The following MICAL2 variants were observed in gnomAD, a reference collection of about 807,000 sequenced individuals.
The protein encoded by MICAL2 is [F-actin]-monooxygenase MICAL2.
A neutral mutation model predicts 127.3 loss-of-function variants in MICAL2; 77 were observed. That is an observed-to-expected ratio of 0.60 (90% CI 0.50 to 0.73). MICAL2 has a LOEUF of 0.73. Among genes scored for constraint, MICAL2 ranks in the 30% least tolerant of loss-of-function variants. The pLI, the probability that MICAL2 is intolerant of heterozygous loss-of-function variation, is 0.00. For missense variants in MICAL2, 1,351 were observed against 1,434.4 expected, an observed-to-expected ratio of 0.94 and a Z score of 0.94; for synonymous variants, 570 against 551.1, an observed-to-expected ratio of 1.03 and a Z score of -0.48.
intron 2 of MICAL2, among the ~76,000 whole-genome samples, chr11:12,142,324 G>T (rs575608246): frequency 1.4e-4 from 21 of 152,196 alleles, no homozygotes; most frequent in Non-Finnish European, 2.2e-4. Context: ...TTGAGTTGCC[G>T]TTATTCTGTT....
At chr11:12,354,808 T>C in exon 34 of MICAL2, 1 of 1,614,022 alleles carries the variant, frequency 6.2e-7, no homozygotes, top group Non-Finnish European at 8.5e-7. Flanking sequence ...AATTAGAAGA[T>C]CATCAAAGCA....
chr11:12,284,633 G>A (rs1011710836), intron 2 of MICAL2, among the ~76,000 whole-genome samples: 1 of 151,896 alleles, frequency 6.6e-6, no homozygotes, highest in Admixed American at 6.6e-5. Context: ...TTTTAGAAAT[G>A]TCTTCATTAA....
chr11:12,256,851 C>T lies in MICAL2; in HGVS notation c.3022C>T (p.Arg1008Cys), dbSNP rs757917800. 6.2e-6 allele frequency: 10 copies of T among 1,614,076 alleles called. No individual in the cohort carries two copies. The highest frequency in any genetic ancestry group is 2.7e-5 in the African/African-American group (2 of 74,956). The change falls in exon 24 of 28, where the codon CGT becomes TGT. Residue 1008 changes from arginine to cysteine, a missense_variant. Around this residue, in one of 2 missense-constraint regions of MICAL2, gnomAD observed 752 missense variants for 719.4 expected, o/e 1.05. Coordinates refer to ENST00000683283, the MANE Select transcript of MICAL2 (RefSeq NM_001282663.2). ...CGACACGTGTTACTTCTGTAAGAAA[C>T]GTGTGTACGTGATGGAACGGCTGAG... The part of the protein sequence containing the change: ...GSDTCYFCKK[R>C]VYVMERLSAE...
intron 33 of MICAL2, among the ~76,000 whole-genome samples, chr11:12,350,837 A>T (rs549137625): frequency 6.6e-6 from 1 of 152,184 alleles, no homozygotes; most frequent in Non-Finnish European, 1.5e-5. Context: ...ACAGAAATTT[A>T]TTCTCTCACT....
chr11:12,188,925 A>G (rs1381464192), intron 3 of MICAL2, among the ~76,000 whole-genome samples: 1 of 152,228 alleles, frequency 6.6e-6, no homozygotes, highest in East Asian at 1.9e-4. Context: ...GGATTTCTAC[A>G]CATCTTTTAG....
intron 16 of MICAL2, among the ~76,000 whole-genome samples, chr11:12,237,033 C>T (rs181295809): frequency 3.3e-5 from 5 of 152,208 alleles, no homozygotes; most frequent in Admixed American, 6.5e-5. Context: ...TGTTTATGGT[C>T]GAAGAGTTTT....
intron 24 of MICAL2, among the ~76,000 whole-genome samples, chr11:12,270,120 G>C (rs1863657929): frequency 6.6e-6 from 1 of 152,204 alleles, no homozygotes; most frequent in African/African-American, 2.4e-5. Flanking sequence ...GAGCAATTGT[G>C]ACATACACTG....
chr11:12,164,104 C>T (rs1855182944), intron 3 of MICAL2, among the ~76,000 whole-genome samples: 1 of 151,980 alleles, frequency 6.6e-6, no homozygotes, highest in African/African-American at 2.4e-5. Context: ...ACCCTTCTTC[C>T]AAAACATACT....
chr11:12,216,203 A>G lies in MICAL2; in HGVS notation c.848-16A>G, dbSNP rs887488085. 1 of 1,586,094 alleles carries G rather than the reference A, an allele frequency of 6.3e-7. No individual in the cohort carries two copies. The highest frequency in any genetic ancestry group is 8.7e-7 in the Non-Finnish European group (1 of 1,154,542). ...CGAGGAAGTAACACTGAGCTTGTGA[A>G]TGCTTCTCTTTTCAGGCATAGATCT... On this transcript the variant is annotated splice_polypyrimidine_tract_variant and intron_variant, in intron 7 of 27. Coordinates refer to ENST00000683283, the MANE Select transcript of MICAL2 (RefSeq NM_001282663.2).
intron 1 of MICAL2, among the ~76,000 whole-genome samples, chr11:12,136,766 G>T (rs1453926631): frequency 3.3e-5 from 5 of 152,124 alleles, no homozygotes; most frequent in Non-Finnish European, 7.4e-5. Flanking sequence ...AGTGTGCCCA[G>T]GCCTCTGTGA....
chr11:12,353,413 T>A (rs948464611), intron 33 of MICAL2, among the ~76,000 whole-genome samples: 1 of 152,244 alleles, frequency 6.6e-6, no homozygotes, highest in Non-Finnish European at 1.5e-5. Flanking sequence ...GCTACCTTTT[T>A]TGTTTGGCTT....
intron 2 of MICAL2, among the ~76,000 whole-genome samples, chr11:12,144,425 T>C (rs1175110817): frequency 6.6e-6 from 1 of 152,150 alleles, no homozygotes; most frequent in Non-Finnish European, 1.5e-5. Context: ...AGTTTGGGGC[T>C]GGTGAGGGAC....
intron 32 of MICAL2, among the ~76,000 whole-genome samples, chr11:12,329,513 A>G (rs559619713): frequency 5.9e-5 from 9 of 152,324 alleles, no homozygotes; most frequent in African/African-American, 2.2e-4. Flanking sequence ...CAATAAGCCA[A>G]TAAGCCCTGT....
chr11:12,136,463 T>C (rs1334690388), intron 1 of MICAL2, among the ~76,000 whole-genome samples: 1 of 152,170 alleles, frequency 6.6e-6, no homozygotes, highest in Non-Finnish European at 1.5e-5. Context: ...CCCAAGGCAA[T>C]ACCTGTACAC....
intron 3 of MICAL2, among the ~76,000 whole-genome samples, chr11:12,169,070 A>G (rs11022220): frequency 0.63 from 95,715 of 151,828 alleles, 31,832 homozygotes; most frequent in South Asian, 0.81. Flanking sequence ...TTAGTGTGGA[A>G]GAAGTTTCTT....
At chr11:12,269,561 G>C (rs1863651415) in intron 24 of MICAL2, among the ~76,000 whole-genome samples, 2 of 152,154 alleles carry the variant, frequency 1.3e-5, no homozygotes, top group South Asian at 4.1e-4. Context: ...ATGTGCTGAG[G>C]GCTGGTGCCA....
chr11:12,158,579 CAATGT>C (rs1028846274), intron 2 of MICAL2, among the ~76,000 whole-genome samples: 3 of 151,972 alleles, frequency 2.0e-5, no homozygotes, highest in African/African-American at 7.3e-5. Context: ...CTAAACAATG[CAATGT>C]AAGTATTTAC....
intron 2 of MICAL2, among the ~76,000 whole-genome samples, chr11:12,285,436 G>T (rs1198194478): frequency 1.3e-5 from 2 of 152,202 alleles, no homozygotes; most frequent in Non-Finnish European, 1.5e-5. Flanking sequence ...CAGGAAGGGG[G>T]TTTGTCTGGG....
chr11:12,259,917 T>G lies in MICAL2; in HGVS notation c.3334+20T>G, dbSNP rs748934010. 1.2e-6 allele frequency: 2 copies of G among 1,611,976 alleles called. No individual in the cohort carries two copies. The highest frequency in any genetic ancestry group is 1.7e-5 in the Admixed American group (1 of 59,760). ...CCCCAGGTATCTCCACCTCCTTCTT[T>G]AGGAAGGTGCTGGGCTGGCCCCTCA... On this transcript the variant is annotated intron_variant, in intron 26 of 27. Coordinates refer to ENST00000683283, the MANE Select transcript of MICAL2 (RefSeq NM_001282663.2).
Sources: allele counts gnomAD v4.1 joint callset (sites outside exome capture counted in the v4.1 genomes callset), GRCh38; gene constraint gnomAD v4.1.1; regional missense constraint gnomAD v4.1.1; transcripts MANE v1.5; gene names NCBI Gene and HGNC (gene_info 2026-07-23, HGNC 2026-07-21).